The following ARSB variants were observed in gnomAD, a reference collection of about 807,000 sequenced individuals.
ARSB encodes arylsulfatase B.
Under a neutral mutation model 50.9 loss-of-function variants are expected in ARSB, and 41 were observed. The observed-to-expected ratio is 0.81, with a 90% CI of 0.63 to 1.04. The LOEUF (loss-of-function observed/expected upper bound fraction) is 1.04. Ranked by LOEUF, ARSB falls within the 50% of genes least tolerant of loss-of-function variation. ARSB has a pLI of 0.00. For missense variants in ARSB, 672 were observed against 693.3 expected, an observed-to-expected ratio of 0.97 and a Z score of 0.35; for synonymous variants, 269 against 284.8, an observed-to-expected ratio of 0.94 and a Z score of 0.56.
At chr5:78,837,167 A>G (rs1260615197) in intron 6 of ARSB, among the ~76,000 whole-genome samples, 1 of 152,170 alleles carries the variant, frequency 6.6e-6, no homozygotes, top group Non-Finnish European at 1.5e-5. Flanking sequence ...AAACCAAAAT[A>G]CAGCTTAGTG....
chr5:78,786,019 C>T (rs1242823659), intron 6 of ARSB, among the ~76,000 whole-genome samples: 5 of 152,042 alleles, frequency 3.3e-5, no homozygotes, highest in African/African-American at 1.2e-4. Context: ...TCAAATTCAC[C>T]CATTTTTAGT....
chr5:78,943,681 C>G (rs1039072557), intron 4 of ARSB, among the ~76,000 whole-genome samples: 5 of 152,180 alleles, frequency 3.3e-5, no homozygotes, highest in Non-Finnish European at 7.3e-5. Flanking sequence ...TTGTGGGTAA[C>G]CTGACCTTTC....
At chr5:78,817,749 C>T (rs947671596) in intron 6 of ARSB, among the ~76,000 whole-genome samples, 1 of 152,120 alleles carries the variant, frequency 6.6e-6, no homozygotes, top group African/African-American at 2.4e-5. Context: ...GCAAGGGTTG[C>T]AGCGAGCTGA....
intron 5 of ARSB, among the ~76,000 whole-genome samples, chr5:78,857,240 C>T (rs942411014): frequency 1.3e-5 from 2 of 152,124 alleles, no homozygotes; most frequent in African/African-American, 4.8e-5. Context: ...ATTTCTAAGA[C>T]ATTTTATGAT....
intron 6 of ARSB, among the ~76,000 whole-genome samples, chr5:78,798,589 G>A (rs958147483): frequency 1.1e-4 from 17 of 152,168 alleles, no homozygotes; most frequent in African/African-American, 3.6e-4. Flanking sequence ...CTCACCCTGT[G>A]TTGTACGGTT....
intron 4 of ARSB, among the ~76,000 whole-genome samples, chr5:78,945,213 C>T (rs1168906863): frequency 6.6e-6 from 1 of 152,122 alleles, no homozygotes; most frequent in African/African-American, 2.4e-5. Flanking sequence ...ATTCCCTGAC[C>T]CCTTGCGCTT....
In ARSB at chr5:78,985,210, G is replaced by T; in HGVS notation, c.39C>A (p.Pro13=). The part of the protein sequence containing the change: ...PRGAASLPRG[P]GPRRLLLPVV... ...CGGGGAGGAGCAGCCGCCGAGGTCC[G>T]GGGCCTCGGGGCAAGCTCGCCGCGC... Residue 13 remains proline (P), a synonymous_variant, in exon 1 of 8, where the codon CCC becomes CCA. Coordinates refer to ENST00000264914, the MANE Select transcript of ARSB (RefSeq NM_000046.5). The T allele has an allele frequency of 7.4e-7, 1 of 1,357,012 alleles. No homozygotes were observed. The highest frequency in any genetic ancestry group is 9.4e-7 in the Non-Finnish European group (1 of 1,059,674). The allele number at this position is 1,357,012 out of a possible 1,614,324, so 84.1% of individuals were successfully genotyped here.
chr5:78,903,886 T>A (rs2112282409), intron 4 of ARSB, among the ~76,000 whole-genome samples: 1 of 152,318 alleles, frequency 6.6e-6, no homozygotes, highest in Middle Eastern at 3.4e-3. Context: ...TTCACTTATT[T>A]TGGTGTGCAT....
At chr5:78,874,797 C>T (rs1747412127) in intron 5 of ARSB, among the ~76,000 whole-genome samples, 1 of 152,156 alleles carries the variant, frequency 6.6e-6, no homozygotes, top group Non-Finnish European at 1.5e-5. Context: ...AGACCATCTA[C>T]TAGGCCAAGT....
At chr5:78,832,278 G>T (rs1744727415) in intron 6 of ARSB, among the ~76,000 whole-genome samples, 1 of 152,130 alleles carries the variant, frequency 6.6e-6, no homozygotes, top group Admixed American at 6.6e-5. Context: ...CATTGCAATG[G>T]TGCTGAATGG....
intron 6 of ARSB, among the ~76,000 whole-genome samples, chr5:78,824,339 A>G (rs1035625096): frequency 6.6e-6 from 1 of 152,246 alleles, no homozygotes; most frequent in African/African-American, 2.4e-5. Flanking sequence ...AAAAATATTT[A>G]GTCTTAAATA....
intron 6 of ARSB, among the ~76,000 whole-genome samples, chr5:78,836,558 C>T (rs1349921893): frequency 6.6e-6 from 1 of 152,126 alleles, no homozygotes; most frequent in Non-Finnish European, 1.5e-5. Flanking sequence ...AAGTAAATGT[C>T]CTTACAGTCT....
intron 6 of ARSB, among the ~76,000 whole-genome samples, chr5:78,813,629 T>C (rs1245043711): frequency 1.3e-5 from 2 of 152,050 alleles, no homozygotes; most frequent in African/African-American, 2.4e-5. Flanking sequence ...TGGTAGCACA[T>C]GCCTGTGGTC....
intron 6 of ARSB, among the ~76,000 whole-genome samples, chr5:78,814,269 A>G (rs1441145081): frequency 1.1e-4 from 17 of 151,144 alleles, no homozygotes; most frequent in Admixed American, 1.1e-3. Flanking sequence ...CAGTTTTTCA[A>G]TAGTGTAACA....
rs1170195758 is a variant in ARSB at position 78,955,506 on chromosome 5, G to A, written c.691-4C>T. On this transcript the variant is annotated splice_polypyrimidine_tract_variant and splice_region_variant and intron_variant, in intron 3 of 7. Transcript: ENST00000264914. ...GAGCAAGGTAGAGAAACAGAGGCTG[G>A]AAAGAAAGTTTGTGCAAACCAGTTA... The A allele has an allele frequency of 6.2e-7, 1 of 1,613,704 alleles. No individual in the cohort carries two copies. Among genetic ancestry groups the A allele is most frequent in the Non-Finnish European group, 8.5e-7 (1 of 1,179,710 alleles).
At chr5:78,970,804 A>G (rs1198247805) in intron 1 of ARSB, among the ~76,000 whole-genome samples, 1 of 152,116 alleles carries the variant, frequency 6.6e-6, no homozygotes, top group Non-Finnish European at 1.5e-5. Context: ...AAATAAAAAT[A>G]GAAAAAATTA....
At chr5:78,853,135 G>GC (rs1561460474) in intron 5 of ARSB, among the ~76,000 whole-genome samples, 4 of 152,186 alleles carry the variant, frequency 2.6e-5, no homozygotes, top group African/African-American at 9.7e-5. Flanking sequence ...GAGGCGCTCT[G>GC]TTTTTAGAGT....
chr5:78,885,517 T>C, intron 5 of ARSB, 67 bp downstream of exon 5: 1 of 1,589,716 alleles, frequency 6.3e-7, no homozygotes, highest in East Asian at 2.2e-5. Flanking sequence ...CTATCATTCT[T>C]GCTCAATGGA....
At chr5:78,886,432 T>C (rs1480472723) in intron 4 of ARSB, among the ~76,000 whole-genome samples, 2 of 152,080 alleles carry the variant, frequency 1.3e-5, no homozygotes, top group Admixed American at 6.5e-5. Context: ...GATGGAAAAA[T>C]ATAATTGTGA....
Sources: gnomAD v4.1 joint callset for allele counts (sites outside exome capture counted in the v4.1 genomes callset) on GRCh38, gnomAD v4.1.1 for gene constraint, MANE v1.5 for transcripts, NCBI Gene and HGNC (gene_info 2026-07-23, HGNC 2026-07-21) for gene names.